Variants in THUMPD2 observed in about 807,000 individuals in gnomAD.
THUMPD2 encodes the protein U6 snRNA (guanine-N(2))-methyltransferase THUMPD2.
In THUMPD2, 56 loss-of-function variants were observed where a neutral mutation model predicts 49.4. The observed-to-expected ratio is 1.13, with a 90% CI of 0.91 to 1.41. The LOEUF is 1.41. Ranked by LOEUF, THUMPD2 falls within the 40% of genes most tolerant of loss-of-function variation. THUMPD2 has a pLI of 0.00. For missense variants in THUMPD2, 709 were observed against 594.5 expected, an observed-to-expected ratio of 1.19 and a Z score of -2.00; for synonymous variants, 237 against 205.2, an observed-to-expected ratio of 1.15 and a Z score of -1.32.
chr2:39,744,042 GTTTT>G (rs11303287), intron 9 of THUMPD2, among the ~76,000 whole-genome samples: 1 of 142,380 alleles, frequency 7.0e-6, no homozygotes, highest in Non-Finnish European at 1.5e-5. Flanking sequence ...GAGAAGGCAG[GTTTT>G]TTTTTTTTTT....
At chr2:39,777,633 C>G (rs115599198) in intron 1 of THUMPD2, among the ~76,000 whole-genome samples, 1,749 of 152,288 alleles carry the variant, frequency 0.011, 39 homozygotes, top group African/African-American at 0.04. Context: ...CACTTTGTAT[C>G]AGAGCAACTT....
intron 1 of THUMPD2, among the ~76,000 whole-genome samples, chr2:39,773,561 ATATATATATTTATATTTTAAAAAT>A (rs1678633116): frequency 3.0e-4 from 12 of 39,408 alleles, no homozygotes; most frequent in East Asian, 3.0e-3. Context: ...ATTTAAAAAT[ATATATATATTTATATTTTAAAAAT>A]ATATATATAT....
intron 5 of THUMPD2, among the ~76,000 whole-genome samples, chr2:39,762,857 G>T (rs914036897): frequency 1.3e-5 from 2 of 151,234 alleles, no homozygotes; most frequent in Non-Finnish European, 2.9e-5. Flanking sequence ...CTAAGCAGCA[G>T]GAATTTATAT....
intron 1 of THUMPD2, among the ~76,000 whole-genome samples, chr2:39,775,982 T>C (rs1441956287): frequency 6.6e-6 from 1 of 152,164 alleles, no homozygotes. Flanking sequence ...GTTTGATATG[T>C]GAGTTTATAA....
At chr2:39,760,959 G>C (rs1184216691) in intron 6 of THUMPD2, among the ~76,000 whole-genome samples, 1 of 152,116 alleles carries the variant, frequency 6.6e-6, no homozygotes, top group African/African-American at 2.4e-5. Context: ...TTCTTCACTA[G>C]AAGATAAAGT....
intron 9 of THUMPD2, among the ~76,000 whole-genome samples, chr2:39,739,722 G>T (rs1386585145): frequency 1.3e-5 from 2 of 152,196 alleles, no homozygotes; most frequent in African/African-American, 4.8e-5. Context: ...GTAGGCAGAA[G>T]ATAAAAATGA....
At chr2:39,738,100 G>C (rs2148147209) in intron 9 of THUMPD2, among the ~76,000 whole-genome samples, 1 of 152,304 alleles carries the variant, frequency 6.6e-6, no homozygotes, top group South Asian at 2.1e-4. Flanking sequence ...ACCTGGGGTG[G>C]CAGTACAGGT....
chr2:39,774,228 C>A (rs1678771951), intron 1 of THUMPD2, among the ~76,000 whole-genome samples: 1 of 152,254 alleles, frequency 6.6e-6, no homozygotes, highest in Admixed American at 6.5e-5. Context: ...TTAACTGGAA[C>A]AGTTGGATAA....
chr2:39,771,391 C>A (rs1315693525), intron 2 of THUMPD2, 114 bp downstream of exon 2: 4 of 1,049,326 alleles, frequency 3.8e-6, no homozygotes, highest in Non-Finnish European at 5.4e-6. Context: ...ATTAATGATC[C>A]CACACATGTC....
Position 39,736,637 on chromosome 2 carries a change from T to G in THUMPD2, c.*98A>C. 8.7e-7 allele frequency: 1 copy of G among 1,143,446 alleles called. No homozygotes were observed. Among genetic ancestry groups the G allele is most frequent in the Non-Finnish European group, 1.2e-6 (1 of 824,818 alleles). 70.8% of individuals were successfully genotyped at this position (1,143,446 alleles called of 1,614,324 possible). A position where few individuals can be genotyped will look rare whatever the true frequency, so the allele number is the denominator to read the frequency against. Reference sequence around the variant, plus strand: ...CTGTCTTTGGGGGAATTTGGTTACTTGGAGCTCTGTGGGTGCTATATGAAT... The same window carrying G: ...CTGTCTTTGGGGGAATTTGGTTACTGGGAGCTCTGTGGGTGCTATATGAAT... On this transcript the variant is annotated 3_prime_UTR_variant, in exon 10 of 10. Coordinates refer to ENST00000505747, the MANE Select transcript of THUMPD2 (RefSeq NM_025264.5).
chr2:39,757,486 T>C (rs1397906050), intron 6 of THUMPD2: 12 of 1,116,292 alleles, frequency 1.1e-5, no homozygotes, highest in Non-Finnish European at 1.3e-5. Context: ...GAAGGAAAAA[T>C]TTAAATGCAA....
chr2:39,747,011 T>G (rs1411401046), intron 8 of THUMPD2, among the ~76,000 whole-genome samples: 1 of 152,208 alleles, frequency 6.6e-6, no homozygotes. Flanking sequence ...TTTGCCTTGA[T>G]TTTCTCCATT....
chr2:39,762,021 C>T (rs572596015), intron 5 of THUMPD2, among the ~76,000 whole-genome samples: 1 of 152,282 alleles, frequency 6.6e-6, no homozygotes, highest in African/African-American at 2.4e-5. Context: ...ACTTTATCCT[C>T]CACCTCATCA....
At chr2:39,756,798 T>C (rs1187600378) in intron 6 of THUMPD2, among the ~76,000 whole-genome samples, 2 of 152,100 alleles carry the variant, frequency 1.3e-5, no homozygotes, top group African/African-American at 4.8e-5. Flanking sequence ...TAACTAGAAG[T>C]TGACATGCTA....
At chr2:39,776,329 C>T (rs1679085896) in intron 1 of THUMPD2, among the ~76,000 whole-genome samples, 2 of 151,610 alleles carry the variant, frequency 1.3e-5, no homozygotes, top group South Asian at 4.2e-4. Flanking sequence ...TACAGAATTC[C>T]AACTTACAGG....
intron 2 of THUMPD2, among the ~76,000 whole-genome samples, chr2:39,771,179 G>C (rs1678265401): frequency 6.6e-6 from 1 of 151,946 alleles, no homozygotes; most frequent in Non-Finnish European, 1.5e-5. Flanking sequence ...AATGCATTTT[G>C]GATTAGTTCA....
intron 6 of THUMPD2, among the ~76,000 whole-genome samples, chr2:39,757,030 T>C (rs972335108): frequency 6.6e-6 from 1 of 150,406 alleles, no homozygotes; most frequent in Admixed American, 6.6e-5. Context: ...CTACAGCAGA[T>C]GAATAGGGAA....
At chr2:39,777,228 T>C (rs1679229956) in intron 1 of THUMPD2, among the ~76,000 whole-genome samples, 1 of 152,188 alleles carries the variant, frequency 6.6e-6, no homozygotes, top group African/African-American at 2.4e-5. Context: ...CTATTTTACA[T>C]CCAAGAAAAT....
intron 8 of THUMPD2, among the ~76,000 whole-genome samples, chr2:39,750,938 TGAAA>T (rs1415931338): frequency 1.3e-5 from 2 of 152,238 alleles, no homozygotes; most frequent in African/African-American, 4.8e-5. Context: ...TTATTGCTTC[TGAAA>T]GAGTTTGTTA....
Sources: allele counts gnomAD v4.1 joint callset (sites outside exome capture counted in the v4.1 genomes callset), GRCh38; gene constraint gnomAD v4.1.1; transcripts MANE v1.5; gene names NCBI Gene and HGNC (gene_info 2026-07-23, HGNC 2026-07-21).